Variants in LARGE1 observed in about 807,000 individuals in gnomAD.
LARGE1 encodes the protein xylosyl- and glucuronyltransferase LARGE1.
In LARGE1, 43 loss-of-function variants were observed where a neutral mutation model predicts 87.6. The observed-to-expected ratio is 0.49, with a 90% confidence interval of 0.38 to 0.63. LARGE1 has a LOEUF of 0.63. LARGE1 is among the 30% of genes least tolerant of loss of function. The pLI is 0.00. For synonymous variants in LARGE1, 434 were observed against 394.6 expected, an observed-to-expected ratio of 1.10 and a Z score of -1.18; for missense variants, 802 against 1,000.2, an observed-to-expected ratio of 0.80 and a Z score of 2.67.
intron 11 of LARGE1, among the ~76,000 whole-genome samples, chr22:33,265,027 A>G (rs1028194611): frequency 6.7e-6 from 1 of 148,692 alleles, no homozygotes; most frequent in Non-Finnish European, 1.5e-5. Flanking sequence ...CAGCCTCCTG[A>G]GTAGCTGGGA....
At chr22:33,805,996 T>C (rs2086297014) in intron 1 of LARGE1, among the ~76,000 whole-genome samples, 1 of 152,230 alleles carries the variant, frequency 6.6e-6, no homozygotes. Context: ...ATTTATTTAG[T>C]GCATTCACAA....
chr22:33,745,086 G>C (rs1322101355), intron 2 of LARGE1, among the ~76,000 whole-genome samples: 1 of 152,196 alleles, frequency 6.6e-6, no homozygotes, highest in Non-Finnish European at 1.5e-5. Context: ...TGAAGGAGCC[G>C]AGGGATTTCA....
At chr22:33,390,441 T>C (rs1466128759) in intron 7 of LARGE1, among the ~76,000 whole-genome samples, 1 of 152,210 alleles carries the variant, frequency 6.6e-6, no homozygotes, top group Non-Finnish European at 1.5e-5. Context: ...CTGTTTATCT[T>C]AGAACATTAG....
intron 11 of LARGE1, among the ~76,000 whole-genome samples, chr22:33,205,948 C>CTTTGTTT: frequency 1.2e-5 from 1 of 84,968 alleles, no homozygotes; most frequent in Non-Finnish European, 2.2e-5. Flanking sequence ...CATGCTAATT[C>CTTTGTTT]TTTTTTTTTT....
Position 33,451,460 on chromosome 22 carries a change from C to T in LARGE1, c.788-19195G>A, listed in dbSNP as rs529198753. Among the ~76,000 whole-genome samples the T allele has an allele frequency of 5.9e-3, 894 of 152,024 alleles. 4 individuals are homozygous for T. The highest frequency in any genetic ancestry group is 0.027 in the South Asian group (128 of 4,782). The stretch of plus-strand genomic sequence containing the variant: ...CCGAGATTTTGGTGCACCCATCACC[C>T]GAGCAGTAGACACTGTACCCAATGT... On this transcript the variant is annotated intron_variant, in intron 6 of 14. Transcript: ENST00000397394.
intron 6 of LARGE1, among the ~76,000 whole-genome samples, chr22:33,523,130 G>A (rs905369217): frequency 1.3e-5 from 2 of 151,602 alleles, no homozygotes; most frequent in Admixed American, 6.6e-5. Flanking sequence ...TCAGCCTCCC[G>A]AGTAGCTGGG....
chr22:33,807,532 C>T lies in LARGE1; in HGVS notation c.-82-45974G>A, dbSNP rs539540324. Among the ~76,000 whole-genome samples the T allele has an allele frequency of 6.6e-5, 10 of 152,240 alleles. No homozygotes were observed. In the South Asian group the frequency reaches 1.7e-3, roughly 25 times the overall value. On this transcript the variant is annotated intron_variant, in intron 1 of 14. Coordinates refer to ENST00000397394, the MANE Select transcript of LARGE1 (RefSeq NM_133642.5). Reference sequence around the variant, plus strand: ...TGAGCCTACATTGATACATCATTATCGCCTAAAGTCCACTGTTTACATGAC... The same window carrying T: ...TGAGCCTACATTGATACATCATTATTGCCTAAAGTCCACTGTTTACATGAC...
chr22:33,879,753 T>G lies in LARGE1; in HGVS notation c.-83+40242A>C, dbSNP rs150194058. ...CTGTACTCGCCATAGTGTATTAGAATGTGTTGCTTATATGTCTGTTACCTC... is the reference window on the plus strand; with the variant it reads ...CTGTACTCGCCATAGTGTATTAGAAGGTGTTGCTTATATGTCTGTTACCTC... On this transcript the variant is annotated intron_variant, in intron 1 of 14. Transcript: ENST00000397394. Among the ~76,000 whole-genome samples, 39 of 152,344 alleles carry G rather than the reference T, an allele frequency of 2.6e-4. No individual in the cohort carries two copies. The East Asian group carries it at 3.9e-3, about 15-fold the overall frequency.
At chr22:33,595,274 A>G (rs1309960007) in intron 5 of LARGE1, among the ~76,000 whole-genome samples, 2 of 152,160 alleles carry the variant, frequency 1.3e-5, no homozygotes. Context: ...TATGAATGAG[A>G]AGACCACAAT....
downstream of LARGE1, among the ~76,000 whole-genome samples, chr22:33,157,715 G>C (rs1433154278): frequency 6.6e-6 from 1 of 152,140 alleles, no homozygotes; most frequent in Non-Finnish European, 1.5e-5. Context: ...GAAACATCAT[G>C]ATACCCTTCT....
chr22:33,510,482 T>A (rs1420575484), intron 6 of LARGE1, among the ~76,000 whole-genome samples: 1 of 152,252 alleles, frequency 6.6e-6, no homozygotes, highest in African/African-American at 2.4e-5. Context: ...TAATGACTGC[T>A]ATACTCTATC....
chr22:33,870,243 G>T (rs1337209939), intron 1 of LARGE1, among the ~76,000 whole-genome samples: 1 of 152,162 alleles, frequency 6.6e-6, no homozygotes, highest in Non-Finnish European at 1.5e-5. Flanking sequence ...GCAGAGGCCA[G>T]GAAGGACACA....
At chr22:33,154,751 T>C in the LARGE1 span, among the ~76,000 whole-genome samples, 1 of 152,118 alleles carries the variant, frequency 6.6e-6, no homozygotes, top group South Asian at 2.1e-4. Flanking sequence ...CTAGGCCTCA[T>C]AGATAGACAT....
intron 6 of LARGE1, among the ~76,000 whole-genome samples, chr22:33,477,588 A>G (rs1433282323): frequency 6.6e-6 from 1 of 152,114 alleles, no homozygotes; most frequent in Non-Finnish European, 1.5e-5. Context: ...GGTTAGACAC[A>G]ACTCCCCCCA....
At chr22:33,132,295 C>A in the LARGE1 span, among the ~76,000 whole-genome samples, 1 of 151,854 alleles carries the variant, frequency 6.6e-6, no homozygotes. Context: ...GGGATCCTCC[C>A]CCCTCAGCCT....
At chr22:33,186,430 T>C (rs1272921591) in intron 11 of LARGE1, among the ~76,000 whole-genome samples, 1 of 152,132 alleles carries the variant, frequency 6.6e-6, no homozygotes, top group Non-Finnish European at 1.5e-5. Context: ...CAAAAGTATA[T>C]GACACAATTC....
At chr22:33,695,929 T>C (rs2082229675) in intron 2 of LARGE1, among the ~76,000 whole-genome samples, 1 of 152,200 alleles carries the variant, frequency 6.6e-6, no homozygotes, top group Non-Finnish European at 1.5e-5. Context: ...TGATTAAGCT[T>C]TGTTATAGAT....
chr22:33,161,604 C>CA (rs1413133646), downstream of LARGE1, among the ~76,000 whole-genome samples: 2 of 152,190 alleles, frequency 1.3e-5, no homozygotes, highest in Non-Finnish European at 2.9e-5. Context: ...GGCCCCATTG[C>CA]AAGTCCAAAA....
At chr22:33,639,708 G>C (rs2080371506) in intron 3 of LARGE1, among the ~76,000 whole-genome samples, 1 of 152,114 alleles carries the variant, frequency 6.6e-6, no homozygotes, top group Non-Finnish European at 1.5e-5. Context: ...CAATAGCTGA[G>C]TCCCAGAATA....
Sources: allele counts gnomAD v4.1 joint callset (sites outside exome capture counted in the v4.1 genomes callset), GRCh38; gene constraint gnomAD v4.1.1; transcripts MANE v1.5; gene names NCBI Gene and HGNC (gene_info 2026-07-23, HGNC 2026-07-21).